Variants in NPIPB11 observed in about 807,000 individuals in gnomAD.
NPIPB11 encodes the protein nuclear pore complex interacting protein family member B11.
In NPIPB11, 17 loss-of-function variants were observed where a neutral mutation model predicts 32.8. The ratio of observed to expected loss-of-function variants is 0.52; its 90% CI spans 0.35 to 0.78. The LOEUF (loss-of-function observed/expected upper bound fraction) is 0.78, where lower values mean the gene tolerates loss of function less well. Among genes scored for constraint, NPIPB11 ranks in the 30% least tolerant of loss-of-function variants. NPIPB11 has a pLI of 0.01. For missense variants in NPIPB11, 537 were observed against 1,000.4 expected, an observed-to-expected ratio of 0.54 and a Z score of 6.25; for synonymous variants, 209 against 398.4, an observed-to-expected ratio of 0.52 and a Z score of 5.66.
intron 2 of NPIPB11, among the ~76,000 whole-genome samples, chr16:29,401,806 T>C (rs1212762748): frequency 6.6e-6 from 1 of 152,018 alleles, no homozygotes; most frequent in Non-Finnish European, 1.5e-5. Flanking sequence ...GGCTGCTCCT[T>C]TATTCTCGTG....
intron 2 of NPIPB11, among the ~76,000 whole-genome samples, chr16:29,401,999 G>T (rs1964003204): frequency 6.6e-6 from 1 of 151,426 alleles, no homozygotes; most frequent in African/African-American, 2.4e-5. Flanking sequence ...ATGCAGACTA[G>T]CCTGCCGTCA....
At chr16:29,389,942 G>C (rs1409295164) in exon 5 of NPIPB11, 18 of 1,591,480 alleles carry the variant, frequency 1.1e-5, no homozygotes, top group African/African-American at 1.3e-5. Context: ...ACATCTTACT[G>C]TTTTCTGGCG....
At chr16:29,397,715 A>G (rs1596681347) in intron 2 of NPIPB11, 1 of 358,588 alleles carries the variant, frequency 2.8e-6, no homozygotes, top group Non-Finnish European at 5.3e-6. Flanking sequence ...GGGGGAGGGA[A>G]GGGGACGGGG....
intron 2 of NPIPB11, among the ~76,000 whole-genome samples, chr16:29,402,493 A>C: frequency 1.0e-5 from 1 of 95,910 alleles, no homozygotes; most frequent in Non-Finnish European, 1.9e-5. Flanking sequence ...TTACGAGGTC[A>C]GGAGTTGACA....
intron 2 of NPIPB11, among the ~76,000 whole-genome samples, chr16:29,402,634 C>T (rs1020437947): frequency 1.6e-4 from 22 of 136,914 alleles, no homozygotes; most frequent in South Asian, 9.9e-4. Context: ...ACCCGGGAGA[C>T]GGAGGTTGCA....
chr16:29,390,021 A>T lies in NPIPB11; in HGVS notation c.465T>A (p.Ala155=), dbSNP rs1450505582. Reference sequence around the variant, plus strand: ...TTGTCACCTTCCTCTTACGGATTTTAGCTCTAACTTTTGTTTCCACATGCC... The same window carrying T: ...TTGTCACCTTCCTCTTACGGATTTTTGCTCTAACTTTTGTTTCCACATGCC... Residue 155 remains alanine (A), a synonymous_variant, in exon 5 of 8, where the codon GCT becomes GCA. Transcript: ENST00000524087. The T allele has an allele frequency of 6.3e-6, 10 of 1,594,352 alleles. 1 individual carries two copies. Among genetic ancestry groups the T allele is most frequent in the Non-Finnish European group, 8.5e-6 (10 of 1,177,790 alleles).
chr16:29,396,823 ATGTACT>A lies in NPIPB11; in HGVS notation c.121-2753_121-2748del, dbSNP rs1963865244. On this transcript the variant is annotated intron_variant, in intron 2 of 7. Coordinates refer to ENST00000524087, the Ensembl canonical transcript of NPIPB11. ...AAAGGGGGTCGGTTTATGCTGGTGT[ATGTACT>A]TTCCAAAGTTAGTAAACTTACACTT... Among the ~76,000 whole-genome samples the A allele has an allele frequency of 8.6e-5, 13 of 150,328 alleles. No homozygotes were observed. In the South Asian group the frequency reaches 2.8e-3, roughly 32 times the overall value.
At chr16:29,383,156 G>T (rs540483823) in exon 8 of NPIPB11, 23 of 1,595,512 alleles carry the variant, frequency 1.4e-5, no homozygotes, top group East Asian at 2.3e-5. Flanking sequence ...TCCGCTGAGG[G>T]TGGAAGCGGA....
chr16:29,401,011 G>A (rs1447852679), intron 2 of NPIPB11, among the ~76,000 whole-genome samples: 1 of 152,080 alleles, frequency 6.6e-6, no homozygotes, highest in Non-Finnish European at 1.5e-5. Flanking sequence ...AGACCTCTGT[G>A]TCCTGGTCAT....
rs1963893303 is a variant in NPIPB11 at position 29,397,690 on chromosome 16, G to T, written c.121-3614C>A. On this transcript the variant is annotated intron_variant, in intron 2 of 7. Transcript: ENST00000524087. ...CTGAGGCGTCCAGGACAGAGGTGGA[G>T]GTGGCTTAGGGCAGGGGGGAGGGAA... The T allele has an allele frequency of 8.3e-6, 8 of 962,046 alleles. No homozygotes were observed. The South Asian group carries it at 1.1e-4, about 14-fold the overall frequency. 59.6% of individuals were successfully genotyped at this position (962,046 alleles called of 1,614,324 possible). A position where few individuals can be genotyped will look rare whatever the true frequency, so the allele number is the denominator to read the frequency against.
At chr16:29,399,561 T>C (rs1277945968) in intron 2 of NPIPB11, among the ~76,000 whole-genome samples, 1 of 149,046 alleles carries the variant, frequency 6.7e-6, no homozygotes, top group East Asian at 2.0e-4. Flanking sequence ...TAGCCGGGTG[T>C]GGTGGTGGGC....
chr16:29,402,748 G>GTGTGTGTGTGTATGTA, intron 2 of NPIPB11, among the ~76,000 whole-genome samples: 1 of 150,362 alleles, frequency 6.7e-6, no homozygotes, highest in African/African-American at 2.5e-5. Flanking sequence ...GTGTGTGTGT[G>GTGTGTGTGTGTATGTA]TGTGTGTGTG....
chr16:29,391,235 C>A (rs1176743859), intron 3 of NPIPB11, among the ~76,000 whole-genome samples: 3 of 135,164 alleles, frequency 2.2e-5, no homozygotes, highest in Non-Finnish European at 4.7e-5. Flanking sequence ...CCACTGCACT[C>A]CAGCCTGGTG....
At chr16:29,391,098 C>T (rs557806014) in intron 3 of NPIPB11, among the ~76,000 whole-genome samples, 1 of 149,672 alleles carries the variant, frequency 6.7e-6, no homozygotes, top group African/African-American at 2.5e-5. Flanking sequence ...GAAACCCCGT[C>T]TCTACTAAAA....
chr16:29,397,325 G>C (rs1963882016), intron 2 of NPIPB11, among the ~76,000 whole-genome samples: 1 of 151,744 alleles, frequency 6.6e-6, no homozygotes, highest in South Asian at 2.1e-4. Context: ...TCCCACCTCA[G>C]CCTCTCCAGT....
At chr16:29,399,205 C>G (rs1055276517) in intron 2 of NPIPB11, among the ~76,000 whole-genome samples, 76 of 152,280 alleles carry the variant, frequency 5.0e-4, no homozygotes, top group Non-Finnish European at 8.2e-4. Context: ...GTTAAACTTC[C>G]CACAGGGCTT....
chr16:29,393,387 A>G (rs1312926335), intron 3 of NPIPB11, among the ~76,000 whole-genome samples: 2 of 151,290 alleles, frequency 1.3e-5, no homozygotes, highest in Admixed American at 6.6e-5. Context: ...CCTAAAAATC[A>G]TTTGCTGCCC....
chr16:29,394,746 GTTTT>G (rs1372985432), intron 2 of NPIPB11, among the ~76,000 whole-genome samples: 1 of 149,254 alleles, frequency 6.7e-6, no homozygotes, highest in Non-Finnish European at 1.5e-5. Context: ...TTTTGTTTTT[GTTTT>G]TGTTTGTTTT....
At chr16:29,397,682 G>A in intron 2 of NPIPB11, 1 of 1,081,540 alleles carries the variant, frequency 9.2e-7, no homozygotes, top group Non-Finnish European at 1.3e-6. Context: ...GTCCAGGACA[G>A]AGGTGGAGGT....
Sources: gnomAD v4.1 joint callset for allele counts (sites outside exome capture counted in the v4.1 genomes callset) on GRCh38, gnomAD v4.1.1 for gene constraint, MANE v1.5 for transcripts, NCBI Gene and HGNC (gene_info 2026-07-23, HGNC 2026-07-21) for gene names.